RECQL5: variants seen among roughly 807,000 people sequenced by gnomAD.
The protein encoded by RECQL5 is ATP-dependent DNA helicase Q5.
A neutral mutation model predicts 103.4 loss-of-function variants in RECQL5; 88 were observed. The ratio of observed to expected loss-of-function variants is 0.85; its 90% CI spans 0.72 to 1.02. The LOEUF is 1.02. Ranked by LOEUF, RECQL5 falls within the 50% of genes least tolerant of loss-of-function variation. The pLI, the probability that RECQL5 is intolerant of heterozygous loss-of-function variation, is 0.00. For missense variants in RECQL5, 1,232 were observed against 1,284.3 expected, an observed-to-expected ratio of 0.96 and a Z score of 0.62; for synonymous variants, 552 against 507.9, an observed-to-expected ratio of 1.09 and a Z score of -1.17.
In RECQL5 at chr17:75,666,589, C is replaced by T. The variant is rs768316653; in HGVS notation, c.-14-18G>A. On this transcript the variant is annotated intron_variant, in intron 1 of 19. Transcript: ENST00000317905. ...CAAGAACAGTGGCCAAAGGTTAAGGCAAAGGTAGTAAAAGGTTGCCACGAG... is the reference window on the plus strand; with the variant it reads ...CAAGAACAGTGGCCAAAGGTTAAGGTAAAGGTAGTAAAAGGTTGCCACGAG... 6.4e-5 allele frequency: 103 copies of T among 1,607,028 alleles called. No homozygotes were observed. Among genetic ancestry groups the T allele is most frequent in the Non-Finnish European group, 2.1e-5 (25 of 1,177,488 alleles).
At chr17:75,662,234 G>C (rs2059709354) in intron 4 of RECQL5, among the ~76,000 whole-genome samples, 1 of 152,114 alleles carries the variant, frequency 6.6e-6, no homozygotes. Flanking sequence ...CATGAGCTTT[G>C]CATGGGTCTG....
chr17:75,660,713 G>GT (rs2059687679), intron 6 of RECQL5, among the ~76,000 whole-genome samples: 1 of 152,246 alleles, frequency 6.6e-6, no homozygotes, highest in Non-Finnish European at 1.5e-5. Context: ...TAAAGGACAA[G>GT]CCTGACAGAC....
intron 8 of RECQL5, among the ~76,000 whole-genome samples, chr17:75,635,350 T>C (rs1428780434): frequency 3.9e-5 from 6 of 152,112 alleles, no homozygotes; most frequent in Non-Finnish European, 7.4e-5. Flanking sequence ...GGCAGGCAGG[T>C]GGGGATCCCT....
Position 75,626,945 on chromosome 17 carries a change from G to C in RECQL5, c.*477C>G, listed in dbSNP as rs966922201. ...GGCCTTCCTGAGCAGGAGCTGAGCA[G>C]GAACAGGGCCTGGCTGCCTCTCCTC... On this transcript the variant is annotated 3_prime_UTR_variant, in exon 20 of 20. Transcript: ENST00000317905. The C allele has an allele frequency of 1.1e-5, 4 of 355,848 alleles. No homozygotes were observed. The highest frequency in any genetic ancestry group is 8.7e-5 in the South Asian group (4 of 45,822). 22.0% of individuals were successfully genotyped at this position (355,848 alleles called of 1,614,324 possible).
chr17:75,650,119 G>A, intron 8 of RECQL5: 1 of 986,092 alleles, frequency 1.0e-6, no homozygotes, highest in South Asian at 4.7e-5. Context: ...CTCTGCTCAA[G>A]AAGCCTAAGA....
chr17:75,631,244 T>C lies in RECQL5; in HGVS notation c.1454A>G (p.Asp485Gly), dbSNP rs1293083582. ...RKGYGDFSRY[D>G]EGSGGSGDEG... The stretch of plus-strand genomic sequence containing the variant: ...ATCCCCGCTGCCTCCAGAACCTTCG[T>C]CATACCTAGGGACAGGCCAGGCGTG... Residue 485 changes from aspartate (D) to glycine (G), a missense_variant, in exon 10 of 20, where the codon GAC becomes GGC. Physicochemically the swap from Asp to Gly is moderately conservative, Grantham distance 94 (BLOSUM62 -1). Coordinates refer to ENST00000317905, the MANE Select transcript of RECQL5 (RefSeq NM_004259.7). The C allele has an allele frequency of 6.2e-7, 1 of 1,613,820 alleles. No individual in the cohort carries two copies. The highest frequency in any genetic ancestry group is 1.7e-5 in the Admixed American group (1 of 60,026).
At chr17:75,630,345 G>A (rs760151724) in intron 13 of RECQL5, 68 bp from the exon 14 acceptor site, 285 of 1,381,348 alleles carry the variant, frequency 2.1e-4, no homozygotes, top group African/African-American at 2.9e-4. Flanking sequence ...GAGCTCTTGC[G>A]GGACTCCAGG....
rs376172077 is a variant in RECQL5 at position 75,662,220 on chromosome 17, T to G, written c.771+259A>C. 8.2e-4 allele frequency among the ~76,000 whole-genome samples: 124 copies of G among 152,116 alleles called. 2 individuals are homozygous for G. The South Asian group carries it at 0.017, about 21-fold the overall frequency. On this transcript the variant is annotated intron_variant, in intron 4 of 19. Transcript: ENST00000317905. ...CAACCTGTTTAACTTCTCTGCCTCC[T>G]CTTCATGAGCTTTGCATGGGTCTGC...
At chr17:75,658,184 G>A in intron 7 of RECQL5, 114 bp downstream of exon 7, 1 of 1,140,710 alleles carries the variant, frequency 8.8e-7, no homozygotes, top group Non-Finnish European at 1.2e-6. Context: ...ATACTTACAG[G>A]TTGGGAGCAG....
chr17:75,648,660 C>T (rs1459316976), intron 8 of RECQL5, among the ~76,000 whole-genome samples: 5 of 141,996 alleles, frequency 3.5e-5, no homozygotes, highest in East Asian at 2.1e-4. Context: ...GCATGAGCCA[C>T]GGCGCCCGGC....
rs747152535 is a variant in RECQL5 at position 75,631,506 on chromosome 17, G to T, written c.1392C>A (p.Asn464Lys). ...SKTCIGPSQGNGFDPELYEGG... is the reference protein window; with the variant it reads ...SKTCIGPSQGKGFDPELYEGG... Reference sequence around the variant, plus strand: ...CCTCATACAGCTCGGGGTCAAAGCCGTTCCCCTGGGAGGGCCCGATGCAGG... The same window carrying T: ...CCTCATACAGCTCGGGGTCAAAGCCTTTCCCCTGGGAGGGCCCGATGCAGG... Residue 464 changes from asparagine (N) to lysine (K), a missense_variant, in exon 9 of 20, where the codon AAC becomes AAA. Physicochemically the swap from Asn to Lys is moderately conservative, Grantham distance 94. Transcript: ENST00000317905. 6.2e-7 allele frequency: 1 copy of T among 1,613,154 alleles called. No individual in the cohort carries two copies. Among genetic ancestry groups the T allele is most frequent in the African/African-American group, 1.3e-5 (1 of 74,948 alleles).
Position 75,628,282 on chromosome 17 carries a change from T to G in RECQL5, c.2741A>C (p.Glu914Ala), listed in dbSNP as rs745902785. 1.2e-6 allele frequency: 2 copies of G among 1,614,126 alleles called. No individual in the cohort carries two copies. The highest frequency in any genetic ancestry group is 1.7e-6 in the Non-Finnish European group (2 of 1,180,014). The change falls in exon 18 of 20, where the codon GAG (glutamate) becomes GCG (alanine). Residue 914 changes from glutamate to alanine, a missense_variant. Glu to Ala is a moderately radical substitution (Grantham distance 107, BLOSUM62 -1). Coordinates refer to ENST00000317905, the MANE Select transcript of RECQL5 (RefSeq NM_004259.7). The stretch of plus-strand genomic sequence containing the variant: ...GCACTTGACCACAACATTTGCAGCC[T>G]CCTTCAAGGAGACGCCAGGAGCGGA... ...QLSAPGVSLK[E>A]AANVVVKCLT...
rs374663232 is a variant in RECQL5, at chr17:75,629,734, T to C, written c.1921A>G (p.Ile641Val). ...AEPPEPNEYD[I>V]PPASHVYSLK... ...GAGTACACATGGGAGGCTGGTGGAATGTCATACTCATTGGGCTCCGGGGGC... is the reference window on the plus strand; with the variant it reads ...GAGTACACATGGGAGGCTGGTGGAACGTCATACTCATTGGGCTCCGGGGGC... Residue 641 changes from isoleucine to valine, a missense_variant, in exon 15 of 20, where the codon ATT (isoleucine) becomes GTT (valine). Coordinates refer to ENST00000317905, the MANE Select transcript of RECQL5 (RefSeq NM_004259.7). 111 of 1,612,782 alleles carry C rather than the reference T, an allele frequency of 6.9e-5. No individual in the cohort carries two copies. Among genetic ancestry groups the C allele is most frequent in the Non-Finnish European group, 8.8e-5 (104 of 1,179,304 alleles).
intron 7 of RECQL5, among the ~76,000 whole-genome samples, chr17:75,651,838 G>A (rs1048174943): frequency 6.6e-6 from 1 of 152,080 alleles, no homozygotes; most frequent in Non-Finnish European, 1.5e-5. Flanking sequence ...GTAAATACAC[G>A]CACAAATGTT....
rs1048955875 is a variant in RECQL5, at chr17:75,636,108, G to C, written c.1230-4440C>G. 5.3e-5 allele frequency among the ~76,000 whole-genome samples: 8 copies of C among 152,228 alleles called. No homozygotes were observed. The highest frequency in any genetic ancestry group is 1.2e-4 in the Non-Finnish European group (8 of 68,044). Reference sequence around the variant, plus strand: ...CAAGCAGGGCTGGCTGGGCAGCCTGGGCAGCAGGAGGGCCTGGTGGCAGCT... The same window carrying C: ...CAAGCAGGGCTGGCTGGGCAGCCTGCGCAGCAGGAGGGCCTGGTGGCAGCT... On this transcript the variant is annotated intron_variant, in intron 8 of 19. Transcript: ENST00000317905. The surrounding 1 kb of genome is among the most constrained non-coding windows in gnomAD (Gnocchi z 5.4).
At chr17:75,648,785 A>T (rs1315328947) in intron 8 of RECQL5, 1 of 138,388 alleles carries the variant, frequency 7.2e-6, no homozygotes, top group Non-Finnish European at 1.5e-5. Context: ...TGATCCTCCC[A>T]TCTCAGCCTC....
intron 18 of RECQL5, 75 bp from the exon 19 acceptor site, chr17:75,627,767 C>G: frequency 7.3e-7 from 1 of 1,373,766 alleles, no homozygotes; most frequent in Non-Finnish European, 1.0e-6. Flanking sequence ...CGCCTGTAAT[C>G]CCAGCACTTT....
In RECQL5 at chr17:75,636,378, C is replaced by T. The variant is rs752901440; in HGVS notation, c.1230-4710G>A. 2.6e-5 allele frequency among the ~76,000 whole-genome samples: 4 copies of T among 152,110 alleles called. No individual in the cohort carries two copies. The highest frequency in any genetic ancestry group is 1.9e-4 in the East Asian group (1 of 5,192). On this transcript the variant is annotated intron_variant, in intron 8 of 19. Coordinates refer to ENST00000317905, the MANE Select transcript of RECQL5 (RefSeq NM_004259.7). This position sits in a 1 kb window ranked among gnomAD's most constrained non-coding sequence, Gnocchi z 5.4. ...GTTGGGTGAACCTGAGATAGAAAGA[C>T]GGGAAAAATATGGGATCATCAGTAG...
chr17:75,646,663 T>C (rs1241504066), intron 8 of RECQL5: 3 of 152,336 alleles, frequency 2.0e-5, no homozygotes, highest in Non-Finnish European at 4.4e-5. Context: ...AGTTGCTTCT[T>C]TGAGTCAGGG....
Sources: allele counts gnomAD v4.1 joint callset (sites outside exome capture counted in the v4.1 genomes callset), GRCh38; gene constraint gnomAD v4.1.1; non-coding constraint Gnocchi (gnomAD v3.1); transcripts MANE v1.5; gene names NCBI Gene and HGNC (gene_info 2026-07-23, HGNC 2026-07-21).